Variants in ANKS1B observed in about 807,000 individuals in gnomAD.
The protein encoded by ANKS1B is ankyrin repeat and sterile alpha motif domain containing 1B, also known as ankyrin repeat and sterile alpha motif domain-containing protein 1B.
A neutral mutation model predicts 148.3 loss-of-function variants in ANKS1B; 36 were observed. The ratio of observed to expected loss-of-function variants is 0.24; its 90% CI spans 0.19 to 0.32. The LOEUF is 0.32. Among genes scored for constraint, ANKS1B ranks in the 10% least tolerant of loss-of-function variants. The pLI is 1.00. For missense variants in ANKS1B, 1,157 were observed against 1,542.6 expected (o/e 0.75, Z 4.19); for synonymous variants, 542 against 560.8 (o/e 0.97, Z 0.47).
In ANKS1B at chr12:98,967,957, A is replaced by G. The variant is rs115204456; in HGVS notation, c.2778+85200T>C. Among the ~76,000 whole-genome samples, 532 of 152,190 alleles carry G rather than the reference A, an allele frequency of 3.5e-3. 2 individuals carry two copies. Among genetic ancestry groups the G allele is most frequent in the African/African-American group, 0.012 (508 of 41,540 alleles). On this transcript the variant is annotated intron_variant, in intron 17 of 26. Coordinates refer to ENST00000683438, the MANE Select transcript of ANKS1B (RefSeq NM_001352186.2). ...AGAGAGAAGGGCATCATCACACTCT[A>G]TGCCCTATGGACTGGGATTGGGGTG... is the stretch of plus-strand genomic sequence containing the variant.
At position 98,909,030 on chromosome 12, in the gene ANKS1B, C is replaced by T. The variant is rs772769556; in HGVS notation, c.2779-76894G>A. On this transcript the variant is annotated intron_variant, in intron 17 of 26. Transcript: ENST00000683438. ...AAAGAGGCATTGAAATTCACATCCA[C>T]GTTGGCACAAGTGAAAACAGACAGC... 6.6e-5 allele frequency among the ~76,000 whole-genome samples: 10 copies of T among 152,268 alleles called. 1 individual carries two copies. Among genetic ancestry groups the T allele is most frequent in the South Asian group, 6.2e-4 (3 of 4,822 alleles).
At chr12:99,471,138 A>G (rs1016804476) in intron 10 of ANKS1B, among the ~76,000 whole-genome samples, 1 of 152,112 alleles carries the variant, frequency 6.6e-6, no homozygotes, top group Non-Finnish European at 1.5e-5. Context: ...ATCCTAAAGC[A>G]TCTTTCCTCT....
chr12:99,525,828 A>C (rs959548982), intron 9 of ANKS1B, among the ~76,000 whole-genome samples: 1 of 152,124 alleles, frequency 6.6e-6, no homozygotes, highest in Non-Finnish European at 1.5e-5. Context: ...AAGATTGATA[A>C]ATTTGAATAT....
At chr12:99,466,831 T>C (rs1259454109) in intron 10 of ANKS1B, among the ~76,000 whole-genome samples, 1 of 151,774 alleles carries the variant, frequency 6.6e-6, no homozygotes, top group South Asian at 2.1e-4. Context: ...CAGGACCAGA[T>C]GGATTCACAG....
At chr12:98,980,059 T>C (rs1208631316) in intron 17 of ANKS1B, among the ~76,000 whole-genome samples, 2 of 152,232 alleles carry the variant, frequency 1.3e-5, no homozygotes, top group African/African-American at 4.8e-5. Context: ...TGTCAGATAT[T>C]CTTAATCCAA....
At chr12:99,497,344 G>C (rs2096613926) in intron 10 of ANKS1B, among the ~76,000 whole-genome samples, 1 of 152,138 alleles carries the variant, frequency 6.6e-6, no homozygotes, top group Non-Finnish European at 1.5e-5. Context: ...TTTGTAGTTG[G>C]TTGAATCCAT....
chr12:98,938,474 C>G (rs1159764964), intron 17 of ANKS1B, among the ~76,000 whole-genome samples: 1 of 152,070 alleles, frequency 6.6e-6, no homozygotes, highest in Non-Finnish European at 1.5e-5. Flanking sequence ...TAAAAGCTCC[C>G]CAGATGATTT....
rs186305581 is a variant in ANKS1B, at chr12:99,466,341, G to T, written c.1439-22532C>A. On this transcript the variant is annotated intron_variant, in intron 10 of 26. Coordinates refer to ENST00000683438, the MANE Select transcript of ANKS1B (RefSeq NM_001352186.2). ...AATGCTCACGAGAGAAAGCAGGAAAGATCCAAAATTGACACCCTAACATCA... is the reference window on the plus strand; with the variant it reads ...AATGCTCACGAGAGAAAGCAGGAAATATCCAAAATTGACACCCTAACATCA... Among the ~76,000 whole-genome samples, 189 of 152,226 alleles carry T rather than the reference G, an allele frequency of 1.2e-3. 1 individual carries two copies. Among genetic ancestry groups the T allele is most frequent in the Admixed American group, 5.5e-3 (84 of 15,298 alleles).
chr12:98,818,737 ATACATTATAT>A (rs1414691994), intron 19 of ANKS1B, among the ~76,000 whole-genome samples: 2 of 152,184 alleles, frequency 1.3e-5, no homozygotes, highest in East Asian at 3.9e-4. Context: ...TCTTTACAAT[ATACATTATAT>A]TCCTTTCTTG....
At chr12:98,988,983 G>T (rs923817656) in intron 17 of ANKS1B, among the ~76,000 whole-genome samples, 6 of 151,994 alleles carry the variant, frequency 3.9e-5, no homozygotes, top group Non-Finnish European at 5.9e-5. Context: ...TGAGTTAACT[G>T]AATTCCTTAT....
chr12:99,715,963 C>T (rs1251751424), intron 8 of ANKS1B, among the ~76,000 whole-genome samples: 1 of 152,196 alleles, frequency 6.6e-6, no homozygotes, highest in Non-Finnish European at 1.5e-5. Context: ...CATGTTTAAT[C>T]ATTGCAGGGA....
chr12:99,958,953 C>T (rs1251217756), intron 1 of ANKS1B, among the ~76,000 whole-genome samples: 4 of 151,998 alleles, frequency 2.6e-5, no homozygotes, highest in Non-Finnish European at 4.4e-5. Context: ...CAATAGGACA[C>T]CGGGGATAAC....
intron 17 of ANKS1B, among the ~76,000 whole-genome samples, chr12:99,029,823 C>T (rs1165126045): frequency 6.6e-6 from 1 of 152,246 alleles, no homozygotes; most frequent in South Asian, 2.1e-4. Flanking sequence ...TGAGCCCTGG[C>T]TCCACCATGT....
intron 22 of ANKS1B, among the ~76,000 whole-genome samples, chr12:98,789,065 G>A (rs904187730): frequency 4.6e-5 from 7 of 152,208 alleles, no homozygotes; most frequent in Non-Finnish European, 7.3e-5. Flanking sequence ...GATGTTGGCC[G>A]GGTGTAGTGG....
chr12:98,874,193 C>T (rs2099680935), intron 17 of ANKS1B, among the ~76,000 whole-genome samples: 1 of 152,078 alleles, frequency 6.6e-6, no homozygotes, highest in African/African-American at 2.4e-5. Context: ...ATGCAAGTGA[C>T]CCTGAAAATT....
rs367977590 is a variant in ANKS1B, at chr12:99,227,955, T to C, written c.2419+16387A>G. ...TAAAAAACATTGTAAAATGATGATC[T>C]GGCAATATCCCTAGAAGAACCTCAT... is the stretch of plus-strand genomic sequence containing the variant. On this transcript the variant is annotated intron_variant, in intron 14 of 26. Transcript: ENST00000683438. Among the ~76,000 whole-genome samples the C allele has an allele frequency of 8.7e-4, 132 of 152,206 alleles. No individual in the cohort carries two copies. In the South Asian group the frequency reaches 0.01, roughly 12 times the overall value.
At chr12:99,059,309 T>C (rs915325527) in intron 16 of ANKS1B, among the ~76,000 whole-genome samples, 3 of 152,234 alleles carry the variant, frequency 2.0e-5, no homozygotes, top group African/African-American at 2.4e-5. Context: ...ATCTCACATA[T>C]GGCAAGCATA....
chr12:99,180,731 G>T (rs2079015076), intron 14 of ANKS1B, among the ~76,000 whole-genome samples: 1 of 149,116 alleles, frequency 6.7e-6, no homozygotes, highest in East Asian at 2.0e-4. Context: ...TCTGAGTTAT[G>T]AGTCTCAGGG....
intron 17 of ANKS1B, among the ~76,000 whole-genome samples, chr12:99,004,396 G>C (rs903626221): frequency 2.6e-5 from 4 of 152,084 alleles, no homozygotes; most frequent in African/African-American, 9.7e-5. Flanking sequence ...GACTAAATGA[G>C]ATAATATACG....
Sources: gnomAD v4.1 joint callset for allele counts (sites outside exome capture counted in the v4.1 genomes callset) on GRCh38, gnomAD v4.1.1 for gene constraint, MANE v1.5 for transcripts, NCBI Gene and HGNC (gene_info 2026-07-23, HGNC 2026-07-21) for gene names.